CLIP4: variants seen among roughly 807,000 people sequenced by gnomAD.
CLIP4 encodes CAP-Gly domain containing linker protein family member 4.
A neutral mutation model predicts 73.1 loss-of-function variants in CLIP4; 47 were observed. That is an observed-to-expected ratio of 0.64 (90% confidence interval 0.51 to 0.82). The LOEUF is 0.82. CLIP4 is among the 40% of genes least tolerant of loss of function. CLIP4 has a pLI of 0.00. For missense variants in CLIP4, 874 were observed against 852.9 expected (o/e 1.02, Z -0.31); for synonymous variants, 306 against 295.4 (o/e 1.04, Z -0.37).
At chr2:29,140,754 A>G (rs9751196) in intron 6 of CLIP4, among the ~76,000 whole-genome samples, 16 of 152,108 alleles carry the variant, frequency 1.1e-4, no homozygotes, top group African/African-American at 3.4e-4. Flanking sequence ...GTTTCCTGAC[A>G]TTTTAATGAT....
intron 2 of CLIP4, among the ~76,000 whole-genome samples, chr2:29,126,445 ATG>A (rs899711110): frequency 2.0e-5 from 3 of 152,210 alleles, no homozygotes; most frequent in Non-Finnish European, 4.4e-5. Flanking sequence ...CTTCTATAAA[ATG>A]AGAATAACAA....
At chr2:29,152,471 TCTTA>T (rs1358374380) in intron 8 of CLIP4, among the ~76,000 whole-genome samples, 1 of 152,220 alleles carries the variant, frequency 6.6e-6, no homozygotes, top group East Asian at 1.9e-4. Context: ...GAAATGTGGT[TCTTA>T]CATTATTGAC....
rs183684785 is a variant in CLIP4 at position 29,135,807 on chromosome 2, G to A, written c.648+141G>A. The stretch of plus-strand genomic sequence containing the variant: ...TATATCTTTGTGCCACATGTAAAGA[G>A]TGATGATGATCTTTATTGTAAATAA... On this transcript the variant is annotated intron_variant, in intron 6 of 15. Transcript: ENST00000320081. The A allele has an allele frequency of 2.8e-5, 16 of 569,214 alleles. No homozygotes were observed. The East Asian group carries it at 5.2e-4, about 19-fold the overall frequency. 35.3% of individuals were successfully genotyped at this position (569,214 alleles called of 1,614,324 possible). A position where few individuals can be genotyped will look rare whatever the true frequency, so the allele number is the denominator to read the frequency against.
At chr2:29,125,967 G>A (rs748028805) in intron 2 of CLIP4, among the ~76,000 whole-genome samples, 9 of 152,296 alleles carry the variant, frequency 5.9e-5, no homozygotes, top group Admixed American at 1.3e-4. Context: ...CTGAGGTTAG[G>A]AGTTCAAGAC....
At chr2:29,105,389 AG>A (rs1668171234) in intron 1 of CLIP4, among the ~76,000 whole-genome samples, 1 of 152,172 alleles carries the variant, frequency 6.6e-6, no homozygotes, top group African/African-American at 2.4e-5. Flanking sequence ...TTTAATGTTC[AG>A]GTTTTTTCTT....
In CLIP4 at chr2:29,141,319, T is replaced by A. The variant is rs535049484; in HGVS notation, c.649-2390T>A. 5.3e-5 allele frequency among the ~76,000 whole-genome samples: 8 copies of A among 152,320 alleles called. No individual in the cohort carries two copies. The East Asian group carries it at 1.5e-3, about 29-fold the overall frequency. On this transcript the variant is annotated intron_variant, in intron 6 of 15. Transcript: ENST00000320081. ...ATTCTGTGGTTGTTGGGTGGAGTAT[T>A]CTTTAGATGCCTATTAAGTCTAACT...
intron 6 of CLIP4, among the ~76,000 whole-genome samples, chr2:29,142,594 T>C (rs553715237): frequency 2.6e-5 from 4 of 152,314 alleles, no homozygotes; most frequent in African/African-American, 9.6e-5. Flanking sequence ...CCTAGACATC[T>C]AATAACATAT....
intron 3 of CLIP4, chr2:29,131,919 A>C: frequency 2.2e-6 from 1 of 461,864 alleles, no homozygotes; most frequent in East Asian, 3.5e-5. Flanking sequence ...GTGCCAGATT[A>C]CCTTTGGAAT....
intron 14 of CLIP4, among the ~76,000 whole-genome samples, chr2:29,168,198 T>C (rs1246749448): frequency 6.6e-6 from 1 of 152,216 alleles, no homozygotes; most frequent in African/African-American, 2.4e-5. Context: ...ATTATGGTTT[T>C]AATTTGCATT....
chr2:29,135,693 A>C lies in CLIP4; in HGVS notation c.648+27A>C, dbSNP rs1665303063. On this transcript the variant is annotated intron_variant, in intron 6 of 15. Coordinates refer to ENST00000320081, the MANE Select transcript of CLIP4 (RefSeq NM_024692.6). ...TAAGAGGTTAAATTAAAAGTGAAAAATATTAAAAGAATTAAGAAATCTTAC... is the reference window on the plus strand; with the variant it reads ...TAAGAGGTTAAATTAAAAGTGAAAACTATTAAAAGAATTAAGAAATCTTAC... 3 of 1,454,042 alleles carry C rather than the reference A, an allele frequency of 2.1e-6. No individual in the cohort carries two copies. In the African/African-American group the frequency reaches 4.3e-5, roughly 21 times the overall value. 90.1% of individuals were successfully genotyped at this position (1,454,042 alleles called of 1,614,324 possible).
intron 8 of CLIP4, among the ~76,000 whole-genome samples, chr2:29,147,398 A>G (rs1666244334): frequency 6.6e-6 from 1 of 152,066 alleles, no homozygotes; most frequent in Non-Finnish European, 1.5e-5. Context: ...CTAGCTTGTC[A>G]TTTGCCTTTG....
At chr2:29,104,739 A>G (rs1668152439) in intron 1 of CLIP4, among the ~76,000 whole-genome samples, 1 of 152,230 alleles carries the variant, frequency 6.6e-6, no homozygotes, top group Non-Finnish European at 1.5e-5. Flanking sequence ...CTGCTTGCAA[A>G]GATGCCAGGC....
chr2:29,164,654 T>G (rs1178289434), intron 13 of CLIP4, among the ~76,000 whole-genome samples: 2 of 152,292 alleles, frequency 1.3e-5, no homozygotes, highest in Admixed American at 1.3e-4. Flanking sequence ...AAATGAGAGA[T>G]AACATATATG....
chr2:29,159,682 TTAAAAA>T (rs951441128), intron 11 of CLIP4, among the ~76,000 whole-genome samples: 9 of 78,072 alleles, frequency 1.2e-4, no homozygotes, highest in Middle Eastern at 0.011. Flanking sequence ...CCCTGTTTCT[TTAAAAA>T]AAAAAAAAAA....
chr2:29,176,708 T>A (rs776543453), intron 15 of CLIP4, among the ~76,000 whole-genome samples: 9 of 152,340 alleles, frequency 5.9e-5, no homozygotes, highest in Admixed American at 3.3e-4. Context: ...TCTGCGGATG[T>A]GTACATCCCG....
chr2:29,137,435 C>G (rs1218961734), intron 6 of CLIP4, among the ~76,000 whole-genome samples: 1 of 152,110 alleles, frequency 6.6e-6, no homozygotes, highest in Non-Finnish European at 1.5e-5. Flanking sequence ...TGATGAGCAC[C>G]TAGGTTGATT....
At chr2:29,157,402 T>A in intron 11 of CLIP4, 55 bp downstream of exon 11, 1 of 1,613,540 alleles carries the variant, frequency 6.2e-7, no homozygotes, top group Non-Finnish European at 8.5e-7. Flanking sequence ...TTGGTTTGTT[T>A]GTAAGTAGAT....
In CLIP4 at chr2:29,158,382, T is replaced by A. The variant is rs200911296; in HGVS notation, c.1399+1035T>A. Among the ~76,000 whole-genome samples, 6 of 145,286 alleles carry A rather than the reference T, an allele frequency of 4.1e-5. 1 individual carries two copies. Among genetic ancestry groups the A allele is most frequent in the African/African-American group, 1.5e-4 (6 of 39,898 alleles). On this transcript the variant is annotated intron_variant, in intron 11 of 15. Transcript: ENST00000320081. Reference sequence around the variant, plus strand: ...GGGTATGGAATTACTTTTTTTTTTTTAACCTTCTAAACAAAGTAGTCTAGC... The same window carrying A: ...GGGTATGGAATTACTTTTTTTTTTTAAACCTTCTAAACAAAGTAGTCTAGC...
intron 1 of CLIP4, among the ~76,000 whole-genome samples, chr2:29,109,595 C>G (rs1245661419): frequency 2.6e-5 from 4 of 152,084 alleles, no homozygotes; most frequent in Non-Finnish European, 4.4e-5. Flanking sequence ...TTATAGAGCA[C>G]TAGAACATAT....
Sources: gnomAD v4.1 joint callset for allele counts (sites outside exome capture counted in the v4.1 genomes callset) on GRCh38, gnomAD v4.1.1 for gene constraint, MANE v1.5 for transcripts, NCBI Gene and HGNC (gene_info 2026-07-23, HGNC 2026-07-21) for gene names.